Variants in KIDINS220 observed in about 807,000 individuals in gnomAD.
KIDINS220 encodes the protein kinase D interacting substrate 220.
In KIDINS220, 63 loss-of-function variants were observed where a neutral mutation model predicts 157.6. The observed-to-expected ratio is 0.40, with a 90% CI of 0.33 to 0.49. The LOEUF (loss-of-function observed/expected upper bound fraction) is 0.49. Among genes scored for constraint, KIDINS220 ranks in the 20% least tolerant of loss-of-function variants. KIDINS220 has a pLI of 0.66. For missense variants in KIDINS220, 1,772 were observed against 2,171.2 expected (o/e 0.82, Z 3.65); for synonymous variants, 732 against 783.6 (o/e 0.93, Z 1.10).
chr2:8,749,982 T>C lies in KIDINS220; in HGVS notation c.3414+130A>G, dbSNP rs1427269556. On this transcript the variant is annotated intron_variant, in intron 24 of 29. Transcript: ENST00000256707. ...TTTCCAAAAAGTCCTATATTTTACA[T>C]TCAAACTTTACATTTTTCCTATGCT... The C allele has an allele frequency of 1.4e-5, 10 of 709,632 alleles. No individual in the cohort carries two copies. In the South Asian group the frequency reaches 2.0e-4, roughly 14 times the overall value. The allele number at this position is 709,632 out of a possible 1,614,324, so 44.0% of individuals were successfully genotyped here.
chr2:8,784,764 T>C (rs1216431745), intron 17 of KIDINS220, among the ~76,000 whole-genome samples: 8 of 152,170 alleles, frequency 5.3e-5, no homozygotes, highest in Non-Finnish European at 8.8e-5. Context: ...TAATACCAAA[T>C]GCTGGTGAGG....
chr2:8,731,764 C>G lies in KIDINS220; in HGVS notation c.4272G>C (p.Gly1424=), dbSNP rs774261779. The G allele has an allele frequency of 6.8e-6, 11 of 1,614,036 alleles. No individual in the cohort carries two copies. Among genetic ancestry groups the G allele is most frequent in the Non-Finnish European group, 2.5e-6 (3 of 1,179,996 alleles). The change falls in exon 30 of 30, where the codon GGG becomes GGC. Residue 1424 remains glycine (G), a synonymous_variant. Coordinates refer to ENST00000256707, the MANE Select transcript of KIDINS220 (RefSeq NM_020738.4). This position sits in a 1 kb window ranked among gnomAD's most constrained non-coding sequence, Gnocchi z 5.2. ...STYYMGQSSS[G]GSIHSNLEQE... Reference sequence around the variant, plus strand: ...GCTCTAGGTTTGAATGAATAGAGCCCCCTGATGAACTCTGACCCATGTAAT... The same window carrying G: ...GCTCTAGGTTTGAATGAATAGAGCCGCCTGATGAACTCTGACCCATGTAAT...
chr2:8,807,116 T>G (rs1375028190), intron 6 of KIDINS220, among the ~76,000 whole-genome samples: 3 of 152,142 alleles, frequency 2.0e-5, no homozygotes, highest in Non-Finnish European at 4.4e-5. Context: ...AGTATCACAT[T>G]TTCACAGATG....
chr2:8,823,433 T>TAAA (rs35736601), intron 2 of KIDINS220, among the ~76,000 whole-genome samples: 39 of 127,212 alleles, frequency 3.1e-4, no homozygotes, highest in South Asian at 2.5e-4. Context: ...AGCAAAATGC[T>TAAA]AAAAAAAAAA....
chr2:8,776,691 G>T, intron 21 of KIDINS220, 57 bp downstream of exon 21: 1 of 1,469,270 alleles, frequency 6.8e-7, no homozygotes, highest in Non-Finnish European at 9.4e-7. Flanking sequence ...GAAATTAAAT[G>T]GTTTTGTGAA....
chr2:8,827,730 T>C (rs932424832), intron 1 of KIDINS220, among the ~76,000 whole-genome samples: 1 of 152,232 alleles, frequency 6.6e-6, no homozygotes, highest in Non-Finnish European at 1.5e-5. Context: ...GTGATGAATA[T>C]GTTAATTAGC....
chr2:8,827,015 T>C lies in KIDINS220; in HGVS notation c.79A>G (p.Lys27Glu). 6.2e-7 allele frequency: 1 copy of C among 1,610,204 alleles called. No individual in the cohort carries two copies. The highest frequency in any genetic ancestry group is 8.5e-7 in the Non-Finnish European group (1 of 1,177,424). Reference protein sequence around the residue: ...NIPALKALLEKCKDVDERNEC... With the variant: ...NIPALKALLEECKDVDERNEC... ...TTTCTCTCATCTACATCTTTGCATTTTTCAAGAAGAGCTTTCAGAGCAGGA... is the reference window on the plus strand; with the variant it reads ...TTTCTCTCATCTACATCTTTGCATTCTTCAAGAAGAGCTTTCAGAGCAGGA... Residue 27 changes from lysine (K) to glutamate (E), a missense_variant, in exon 2 of 30, where the codon AAA (lysine) becomes GAA (glutamate). Lys to Glu is a moderately conservative substitution (Grantham distance 56). Around this residue, in one of 3 missense-constraint regions of KIDINS220, gnomAD observed 254 missense variants for 268.6 expected, o/e 0.95. Transcript: ENST00000256707.
intron 22 of KIDINS220, among the ~76,000 whole-genome samples, chr2:8,770,095 TAGA>T (rs1251259619): frequency 6.6e-6 from 1 of 152,140 alleles, no homozygotes; most frequent in Non-Finnish European, 1.5e-5. Context: ...TCTGAAATCT[TAGA>T]AGTGTATATA....
intron 1 of KIDINS220, among the ~76,000 whole-genome samples, chr2:8,830,249 G>A (rs1483074062): frequency 1.3e-5 from 2 of 152,196 alleles, no homozygotes; most frequent in Admixed American, 1.3e-4. Flanking sequence ...TGTATTTGAA[G>A]GATAATGGTT....
chr2:8,832,539 A>G (rs1679799794), intron 1 of KIDINS220, among the ~76,000 whole-genome samples: 1 of 152,238 alleles, frequency 6.6e-6, no homozygotes, highest in Non-Finnish European at 1.5e-5. Flanking sequence ...ATGAACAAAA[A>G]GAAAAGTGTG....
chr2:8,803,580 A>G (rs1572722213), intron 7 of KIDINS220, among the ~76,000 whole-genome samples: 1 of 152,216 alleles, frequency 6.6e-6, no homozygotes, highest in African/African-American at 2.4e-5. Context: ...ACTAAAGTAA[A>G]CAATGAATTA....
rs548327535 is a variant in KIDINS220 at position 8,783,141 on chromosome 2, G to A, written c.2229+2600C>T. On this transcript the variant is annotated intron_variant, in intron 17 of 29. Coordinates refer to ENST00000256707, the MANE Select transcript of KIDINS220 (RefSeq NM_020738.4). ...GAACCCGTAAGGTGGAGGTTGTAGT[G>A]AGCTGAGATGGCACCACTGCACTCC... 2.0e-5 allele frequency among the ~76,000 whole-genome samples: 3 copies of A among 150,074 alleles called. No homozygotes were observed. In the East Asian group the frequency reaches 5.9e-4, roughly 29 times the overall value.
chr2:8,743,076 G>T lies in KIDINS220; in HGVS notation c.3585+4069C>A, dbSNP rs1275860028. On this transcript the variant is annotated intron_variant, in intron 26 of 29. Coordinates refer to ENST00000256707, the MANE Select transcript of KIDINS220 (RefSeq NM_020738.4). ...ATACTAGGTCCTTTGCTTCACTGGG[G>T]TCACAGAATCATGTGAATGCTGCCA... 2.0e-5 allele frequency among the ~76,000 whole-genome samples: 3 copies of T among 152,284 alleles called. No individual in the cohort carries two copies. In the South Asian group the frequency reaches 6.2e-4, roughly 32 times the overall value.
chr2:8,786,432 C>T, intron 15 of KIDINS220, 75 bp from the exon 16 acceptor site: 1 of 1,113,632 alleles, frequency 9.0e-7, no homozygotes, highest in Non-Finnish European at 1.3e-6. Context: ...GTCATCTTTG[C>T]ATCACTTACC....
chr2:8,731,777 T>C lies in KIDINS220; in HGVS notation c.4259A>G (p.Gln1420Arg). 6.2e-7 allele frequency: 1 copy of C among 1,614,196 alleles called. No homozygotes were observed. Among genetic ancestry groups the C allele is most frequent in the Non-Finnish European group, 8.5e-7 (1 of 1,180,038 alleles). Residue 1420 changes from glutamine to arginine, a missense_variant, in exon 30 of 30, where the codon CAG (glutamine) becomes CGG (arginine). By Grantham distance (43) the Gln-to-Arg change is conservative. This residue lies in a region of KIDINS220 where 793 missense variants were observed against 885.5 expected (regional missense o/e 0.90). Transcript: ENST00000256707. The surrounding 1 kb of genome is among the most constrained non-coding windows in gnomAD (Gnocchi z 5.2). ...ATGAATAGAGCCCCCTGATGAACTCTGACCCATGTAATATGTGCTATGTGG... is the reference window on the plus strand; with the variant it reads ...ATGAATAGAGCCCCCTGATGAACTCCGACCCATGTAATATGTGCTATGTGG... ...SSPHSTYYMG[Q>R]SSSGGSIHSN...
intron 9 of KIDINS220, among the ~76,000 whole-genome samples, chr2:8,798,798 T>G (rs1256750086): frequency 6.6e-6 from 1 of 152,174 alleles, no homozygotes; most frequent in Non-Finnish European, 1.5e-5. Context: ...TTTAAAATCT[T>G]ATCTAGCTCA....
At chr2:8,798,423 T>C in intron 9 of KIDINS220, 123 bp from the exon 10 acceptor site, 2 of 618,912 alleles carry the variant, frequency 3.2e-6, no homozygotes, top group Non-Finnish European at 5.7e-6. Context: ...GAAATACTAT[T>C]AATCCTTATG....
At chr2:8,740,642 C>G (rs1342567384) in intron 26 of KIDINS220, among the ~76,000 whole-genome samples, 2 of 152,174 alleles carry the variant, frequency 1.3e-5, no homozygotes, top group Non-Finnish European at 2.9e-5. Flanking sequence ...AATACACTTT[C>G]AAATTTGAGT....
intron 7 of KIDINS220, 66 bp from the exon 8 acceptor site, chr2:8,803,193 T>C: frequency 8.0e-7 from 1 of 1,254,978 alleles, no homozygotes; most frequent in Non-Finnish European, 1.1e-6. Context: ...TTCTAGAAAA[T>C]ATATGATTTA....
Sources: allele counts gnomAD v4.1 joint callset (sites outside exome capture counted in the v4.1 genomes callset), GRCh38; gene constraint gnomAD v4.1.1; regional missense constraint gnomAD v4.1.1; non-coding constraint Gnocchi (gnomAD v3.1); transcripts MANE v1.5; gene names NCBI Gene and HGNC (gene_info 2026-07-23, HGNC 2026-07-21).